The following POU6F2 variants were observed in gnomAD, a reference collection of about 807,000 sequenced individuals.
POU6F2 encodes the protein POU domain, class 6, transcription factor 2.
POU6F2 carries 31 observed loss-of-function variants against 71.3 expected under a neutral mutation model. The ratio of observed to expected loss-of-function variants is 0.43; its 90% CI spans 0.33 to 0.59. POU6F2 has a LOEUF of 0.59. Among genes scored for constraint, POU6F2 ranks in the 20% least tolerant of loss-of-function variants. The pLI, the probability that POU6F2 is intolerant of heterozygous loss-of-function variation, is 0.04. For missense variants in POU6F2, 783 were observed against 856.8 expected, an observed-to-expected ratio of 0.91 and a Z score of 1.07; for synonymous variants, 347 against 355.7, an observed-to-expected ratio of 0.98 and a Z score of 0.27.
chr7:39,022,437 C>T (rs887707289), intron 1 of POU6F2, among the ~76,000 whole-genome samples: 11 of 152,038 alleles, frequency 7.2e-5, no homozygotes, highest in South Asian at 2.1e-4. Flanking sequence ...CACAGATGTG[C>T]GCTTCAATCA....
intron 4 of POU6F2, among the ~76,000 whole-genome samples, chr7:39,323,681 G>A (rs947962146): frequency 4.6e-5 from 7 of 152,124 alleles, no homozygotes; most frequent in East Asian, 3.8e-4. Flanking sequence ...AAATTAATAC[G>A]ATAATCCTAT....
chr7:39,155,267 G>C (rs990951545), intron 2 of POU6F2, among the ~76,000 whole-genome samples: 4 of 151,312 alleles, frequency 2.6e-5, no homozygotes, highest in Non-Finnish European at 5.9e-5. Context: ...GTGGGGGTTG[G>C]GGGGGAGTTC....
intron 4 of POU6F2, among the ~76,000 whole-genome samples, chr7:39,311,268 G>A (rs1295343574): frequency 6.6e-6 from 1 of 150,396 alleles, no homozygotes; most frequent in Non-Finnish European, 1.5e-5. Context: ...GCAAAAAGCA[G>A]CCAGGTTCTA....
intron 5 of POU6F2, among the ~76,000 whole-genome samples, chr7:39,398,617 G>A (rs1179647704): frequency 6.6e-6 from 1 of 152,126 alleles, no homozygotes; most frequent in Non-Finnish European, 1.5e-5. Flanking sequence ...GCTCTAAGGA[G>A]GTGATCTGGG....
chr7:39,181,862 T>C (rs981139300), intron 2 of POU6F2, among the ~76,000 whole-genome samples: 6 of 152,216 alleles, frequency 3.9e-5, no homozygotes, highest in African/African-American at 1.4e-4. Flanking sequence ...GTTTCCTTCC[T>C]CTTGTTCAAA....
intron 1 of POU6F2, among the ~76,000 whole-genome samples, chr7:39,016,893 G>T (rs1789564734): frequency 6.6e-6 from 1 of 152,202 alleles, no homozygotes; most frequent in Non-Finnish European, 1.5e-5. Context: ...AGCACAGAGA[G>T]CAAGAGGAGT....
chr7:39,120,257 G>C (rs187655817), intron 2 of POU6F2, among the ~76,000 whole-genome samples: 89 of 152,238 alleles, frequency 5.8e-4, no homozygotes, highest in Non-Finnish European at 8.2e-4. Flanking sequence ...TCTTGCTTTG[G>C]CCTCTGAAAG....
At chr7:39,082,776 G>T (rs985106903) in intron 1 of POU6F2, among the ~76,000 whole-genome samples, 1 of 141,940 alleles carries the variant, frequency 7.0e-6, no homozygotes, top group African/African-American at 2.6e-5. Context: ...CTAGGGGTTT[G>T]CTGTTTAACC....
At chr7:39,459,112 C>T (rs1486809202) in intron 8 of POU6F2, among the ~76,000 whole-genome samples, 3 of 152,210 alleles carry the variant, frequency 2.0e-5, no homozygotes, top group African/African-American at 7.2e-5. Flanking sequence ...GAGGCTGGAA[C>T]TGCCCCTCCC....
intron 1 of POU6F2, among the ~76,000 whole-genome samples, chr7:39,047,667 T>A (rs1238880232): frequency 6.6e-6 from 1 of 151,936 alleles, no homozygotes; most frequent in East Asian, 1.9e-4. Flanking sequence ...TTTTGACCAT[T>A]CTTCTTTTCC....
chr7:39,018,705 T>C (rs528417015), intron 1 of POU6F2, among the ~76,000 whole-genome samples: 1 of 152,248 alleles, frequency 6.6e-6, no homozygotes, highest in East Asian at 1.9e-4. Context: ...CAATAATCAC[T>C]ATAAAACAAA....
intron 4 of POU6F2, among the ~76,000 whole-genome samples, chr7:39,247,392 AG>A (rs1442772004): frequency 6.6e-6 from 1 of 152,108 alleles, no homozygotes; most frequent in East Asian, 1.9e-4. Context: ...CGGAGGTTAC[AG>A]TGAGCCAAGA....
intron 2 of POU6F2, among the ~76,000 whole-genome samples, chr7:39,161,339 C>G (rs532033795): frequency 6.6e-6 from 1 of 152,314 alleles, no homozygotes; most frequent in Non-Finnish European, 1.5e-5. Flanking sequence ...TGATACGCTA[C>G]TTGAGTCACT....
At chr7:39,362,285 A>G (rs1246500100) in intron 5 of POU6F2, among the ~76,000 whole-genome samples, 2 of 151,844 alleles carry the variant, frequency 1.3e-5, no homozygotes, top group Non-Finnish European at 1.5e-5. Flanking sequence ...TGGCCAGAAA[A>G]AAAAAAAAAA....
At chr7:39,059,151 C>T (rs1265995844) in intron 1 of POU6F2, among the ~76,000 whole-genome samples, 2 of 152,106 alleles carry the variant, frequency 1.3e-5, no homozygotes, top group Non-Finnish European at 2.9e-5. Context: ...TTTATAACGA[C>T]TTCTCAGAGG....
chr7:39,015,196 TG>T (rs1249640777), intron 1 of POU6F2, among the ~76,000 whole-genome samples: 1 of 148,528 alleles, frequency 6.7e-6, no homozygotes, highest in Non-Finnish European at 1.5e-5. Flanking sequence ...TGGCTATTAA[TG>T]GTATGTGTAG....
chr7:38,996,998 T>C (rs775402914), intron 1 of POU6F2, among the ~76,000 whole-genome samples: 1 of 152,322 alleles, frequency 6.6e-6, no homozygotes. Context: ...AATTCCTCTC[T>C]AGTCTTCCTG....
In POU6F2 at chr7:39,339,946, C is replaced by A; in HGVS notation, c.903C>A (p.Pro301=). 1 of 1,613,960 alleles carries A rather than the reference C, an allele frequency of 6.2e-7. No individual in the cohort carries two copies. The highest frequency in any genetic ancestry group is 8.5e-7 in the Non-Finnish European group (1 of 1,179,874). The change falls in exon 5 of 10, where the codon CCC becomes CCA. Residue 301 remains proline, a synonymous_variant. Coordinates refer to ENST00000518318, the MANE Select transcript of POU6F2 (RefSeq NM_001370959.1). ...CTCCAACCCAGCAGAGCTCCAGCCCCCCGCAGAAACCTAGTCAGTCTCCAG... is the reference window on the plus strand; with the variant it reads ...CTCCAACCCAGCAGAGCTCCAGCCCACCGCAGAAACCTAGTCAGTCTCCAG... ...QPSPTQQSSS[P]PQKPSQSPGH... is the part of the protein sequence containing the mutation.
chr7:39,122,989 GATATGGATGCCTCTTA>G (rs957001658), intron 2 of POU6F2, among the ~76,000 whole-genome samples: 2 of 152,098 alleles, frequency 1.3e-5, no homozygotes, highest in African/African-American at 4.8e-5. Flanking sequence ...CGCACCCGGT[GATATGGATGCCTCTTA>G]ACATGCCACC....
Sources: allele counts gnomAD v4.1 joint callset (sites outside exome capture counted in the v4.1 genomes callset), GRCh38; gene constraint gnomAD v4.1.1; transcripts MANE v1.5; gene names NCBI Gene and HGNC (gene_info 2026-07-23, HGNC 2026-07-21).